RBFOX1: variants seen among roughly 807,000 people sequenced by gnomAD.
RBFOX1 encodes the protein RNA binding protein fox-1 homolog 1.
A neutral mutation model predicts 57.7 loss-of-function variants in RBFOX1; 8 were observed. The ratio of observed to expected loss-of-function variants is 0.14; its 90% CI spans 0.08 to 0.25. The LOEUF is 0.25. RBFOX1 is among the 10% of genes least tolerant of loss of function. The pLI, the probability that RBFOX1 is intolerant of heterozygous loss-of-function variation, is 1.00. For missense variants in RBFOX1, 611 were observed against 548.5 expected, an observed-to-expected ratio of 1.11 and a Z score of -1.14; for synonymous variants, 326 against 222.4, an observed-to-expected ratio of 1.47 and a Z score of -4.15.
intron 3 of RBFOX1, among the ~76,000 whole-genome samples, chr16:6,895,853 T>G (rs750364885): frequency 3.9e-5 from 6 of 152,170 alleles, no homozygotes; most frequent in Non-Finnish European, 8.8e-5. Flanking sequence ...TTACCATGTG[T>G]AAAATGAAGA....
At chr16:7,091,849 G>T (rs559725244) in intron 4 of RBFOX1, among the ~76,000 whole-genome samples, 1 of 152,306 alleles carries the variant, frequency 6.6e-6, no homozygotes, top group East Asian at 1.9e-4. Flanking sequence ...ATTCTATGTG[G>T]ATCAGAGATT....
chr16:6,793,719 G>C (rs1408048413), intron 3 of RBFOX1, among the ~76,000 whole-genome samples: 1 of 152,172 alleles, frequency 6.6e-6, no homozygotes, highest in African/African-American at 2.4e-5. Flanking sequence ...CCTGTTGTTA[G>C]AGTATATTAA....
In RBFOX1 at chr16:5,890,229, A is replaced by G. The variant is rs61607201; in HGVS notation, c.351+22894A>G. ...GCCTCTTGTCCTCACCTATGATAAT[A>G]ATATCTAATTATAACAGGCATTAGT... On this transcript the variant is annotated intron_variant, in intron 4 of 19. Transcript: ENST00000641259. Among the ~76,000 whole-genome samples the G allele has an allele frequency of 5.2e-3, 789 of 152,302 alleles. 7 individuals are homozygous for G. The highest frequency in any genetic ancestry group is 0.017 in the African/African-American group (724 of 41,552).
chr16:7,057,732 G>A (rs1216584255), intron 4 of RBFOX1, among the ~76,000 whole-genome samples: 1 of 152,172 alleles, frequency 6.6e-6, no homozygotes, highest in African/African-American at 2.4e-5. Flanking sequence ...TAGATGCCGG[G>A]TGCAGTGACT....
At chr16:6,657,050 C>CCTCCCCTTTCCTCTCCTG (rs2098662193) in intron 3 of RBFOX1, among the ~76,000 whole-genome samples, 2 of 64,020 alleles carry the variant, frequency 3.1e-5, no homozygotes, top group Non-Finnish European at 3.2e-5. Context: ...TTCCTCTCCT[C>CCTCCCCTTTCCTCTCCTG]TCCTCCCCTT....
intron 4 of RBFOX1, among the ~76,000 whole-genome samples, chr16:5,968,882 CTTTTT>C (rs1354016271): frequency 6.6e-6 from 1 of 151,998 alleles, no homozygotes; most frequent in Admixed American, 6.6e-5. Context: ...CTTGAATCTT[CTTTTT>C]ATTTATCTCT....
At chr16:7,553,616 G>T (rs146879546) in intron 5 of RBFOX1, among the ~76,000 whole-genome samples, 2 of 152,276 alleles carry the variant, frequency 1.3e-5, no homozygotes, top group African/African-American at 2.4e-5. Flanking sequence ...TCTGCAAGTG[G>T]CCAGTGCACT....
At chr16:6,818,323 TA>T (rs1422105767) in intron 3 of RBFOX1, among the ~76,000 whole-genome samples, 1 of 152,106 alleles carries the variant, frequency 6.6e-6, no homozygotes, top group Non-Finnish European at 1.5e-5. Flanking sequence ...TCATGGTTTC[TA>T]AATGGGTGTG....
In RBFOX1 at chr16:6,958,823, G is replaced by C. The variant is rs541375172; in HGVS notation, c.-15-93234G>C. Reference sequence around the variant, plus strand: ...GGAAATCGTGTCATTATGGAGATGAGGGTGGCCCGGCATTGCTGATTTTCA... The same window carrying C: ...GGAAATCGTGTCATTATGGAGATGACGGTGGCCCGGCATTGCTGATTTTCA... On this transcript the variant is annotated intron_variant, in intron 3 of 15. Transcript: ENST00000550418. Among the ~76,000 whole-genome samples the C allele has an allele frequency of 7.3e-4, 111 of 152,192 alleles. 1 individual carries two copies. Among genetic ancestry groups the C allele is most frequent in the African/African-American group, 2.6e-3 (107 of 41,530 alleles).
chr16:6,620,930 A>G (rs1226770051), intron 2 of RBFOX1, among the ~76,000 whole-genome samples: 1 of 152,224 alleles, frequency 6.6e-6, no homozygotes, highest in African/African-American at 2.4e-5. Context: ...TTAAAACAAC[A>G]AAATTTTATT....
chr16:5,394,083 C>G (rs2066484187), intron 1 of RBFOX1, among the ~76,000 whole-genome samples: 1 of 152,048 alleles, frequency 6.6e-6, no homozygotes, highest in Non-Finnish European at 1.5e-5. Context: ...GAGTGCAGTG[C>G]TGTGATCTCA....
intron 3 of RBFOX1, among the ~76,000 whole-genome samples, chr16:6,766,583 C>T (rs535778617): frequency 6.6e-6 from 1 of 151,720 alleles, no homozygotes; most frequent in African/African-American, 2.4e-5. Context: ...AATGAGGTAC[C>T]TACTAGTCAC....
chr16:5,456,929 C>T (rs1272643563), intron 1 of RBFOX1, among the ~76,000 whole-genome samples: 1 of 152,208 alleles, frequency 6.6e-6, no homozygotes, highest in East Asian at 1.9e-4. Context: ...ACCTCTAGGC[C>T]TTTATCTTAG....
intron 3 of RBFOX1, among the ~76,000 whole-genome samples, chr16:5,811,643 G>T (rs954549476): frequency 6.6e-6 from 1 of 151,670 alleles, no homozygotes; most frequent in African/African-American, 2.4e-5. Context: ...TAGAGACAGG[G>T]TTTCACGATG....
chr16:5,397,231 C>G (rs2151431160), intron 1 of RBFOX1, among the ~76,000 whole-genome samples: 1 of 152,348 alleles, frequency 6.6e-6, no homozygotes, highest in African/African-American at 2.4e-5. Context: ...AAAGGCTTCT[C>G]TAAAGGGATT....
chr16:5,969,643 A>G (rs1222850501), intron 4 of RBFOX1, among the ~76,000 whole-genome samples: 2 of 151,788 alleles, frequency 1.3e-5, no homozygotes, highest in Non-Finnish European at 2.9e-5. Context: ...TTTTTAAGTG[A>G]TATTATATTT....
At chr16:6,983,200 A>T (rs945729699) in intron 3 of RBFOX1, among the ~76,000 whole-genome samples, 2 of 151,898 alleles carry the variant, frequency 1.3e-5, no homozygotes, top group Non-Finnish European at 2.9e-5. Flanking sequence ...GGTAGTACTC[A>T]TCCTCTGACT....
At chr16:6,772,006 T>C (rs62016076) in intron 3 of RBFOX1, among the ~76,000 whole-genome samples, 1 of 152,140 alleles carries the variant, frequency 6.6e-6, no homozygotes, top group African/African-American at 2.4e-5. Flanking sequence ...TTCGGCTCTT[T>C]CTGCCATTCC....
chr16:5,402,205 C>T (rs546297689), intron 1 of RBFOX1, among the ~76,000 whole-genome samples: 16 of 152,206 alleles, frequency 1.1e-4, no homozygotes, highest in Non-Finnish European at 2.1e-4. Context: ...GGTCACTTGG[C>T]TAAGACACCC....
Sources: allele counts gnomAD v4.1 joint callset (sites outside exome capture counted in the v4.1 genomes callset), GRCh38; gene constraint gnomAD v4.1.1; transcripts MANE v1.5; gene names NCBI Gene and HGNC (gene_info 2026-07-23, HGNC 2026-07-21).